The following NLGN4X variants were observed in gnomAD, a reference collection of about 807,000 sequenced individuals.
NLGN4X encodes the protein neuroligin 4 X-linked, also known as neuroligin-4, X-linked.
Under a neutral mutation model 40.3 loss-of-function variants are expected in NLGN4X, and 3 were observed. That is an observed-to-expected ratio of 0.07 (90% CI 0.03 to 0.19). The LOEUF is 0.19. Among genes scored for constraint, NLGN4X ranks in the 10% least tolerant of loss-of-function variants. The pLI, the probability that NLGN4X is intolerant of heterozygous loss-of-function variation, is 1.00. For synonymous variants in NLGN4X, 270 were observed against 306.8 expected (o/e 0.88, Z 1.25); for missense variants, 382 against 708.3 (o/e 0.54, Z 5.23).
chrX:6,015,025 A>G (rs2036357619), intron 3 of NLGN4X, among the ~76,000 whole-genome samples: 1 of 111,848 alleles, frequency 8.9e-6, no homozygotes, highest in African/African-American at 3.3e-5. Context: ...GAAACTTTCC[A>G]TAACCACCTT....
intron 1 of NLGN4X, among the ~76,000 whole-genome samples, chrX:6,174,197 T>C (rs1284919910): frequency 9.0e-6 from 1 of 111,069 alleles, no homozygotes; most frequent in African/African-American, 3.3e-5. Flanking sequence ...TAGGGAAATG[T>C]AAATCAAAAC....
At chrX:6,030,455 ACT>A (rs2036827059) in intron 2 of NLGN4X, among the ~76,000 whole-genome samples, 2 of 104,290 alleles carry the variant, frequency 1.9e-5, no homozygotes, top group African/African-American at 3.6e-5. Flanking sequence ...CTAAAAGAAA[ACT>A]CAAGTATTTA....
intron 3 of NLGN4X, among the ~76,000 whole-genome samples, chrX:5,921,436 G>GAGAGAGAGAGAGGAGAGAC (rs1569131798): frequency 1.9e-3 from 73 of 37,912 alleles, no homozygotes; most frequent in Non-Finnish European, 3.7e-3. Context: ...AGAGAGAGAG[G>GAGAGAGAGAGAGGAGAGAC]AGAGACAGAG....
At chrX:6,065,063 G>A (rs1423331049) in intron 2 of NLGN4X, among the ~76,000 whole-genome samples, 1 of 110,861 alleles carries the variant, frequency 9.0e-6, no homozygotes, top group Non-Finnish European at 1.9e-5. Context: ...TCTAAACATT[G>A]AGGACGCACG....
intron 3 of NLGN4X, among the ~76,000 whole-genome samples, chrX:5,956,267 A>G (rs1340657987): frequency 9.2e-6 from 1 of 109,241 alleles, no homozygotes; most frequent in Non-Finnish European, 1.9e-5. Context: ...AAATGCATGT[A>G]TATTTATATT....
At chrX:6,040,908 T>A (rs1007971831) in intron 2 of NLGN4X, among the ~76,000 whole-genome samples, 2 of 111,590 alleles carry the variant, frequency 1.8e-5, no homozygotes, top group Non-Finnish European at 3.8e-5. Flanking sequence ...TAATTGACAA[T>A]ATCTAATGGC....
chrX:6,043,936 T>C (rs2037244287), intron 2 of NLGN4X, among the ~76,000 whole-genome samples: 1 of 110,537 alleles, frequency 9.0e-6, no homozygotes, highest in Admixed American at 9.7e-5. Flanking sequence ...ACTTAGCCAA[T>C]TCACCATAAT....
chrX:6,127,370 T>C (rs1304272611), intron 2 of NLGN4X, among the ~76,000 whole-genome samples: 2 of 112,615 alleles, frequency 1.8e-5, no homozygotes, highest in Non-Finnish European at 3.8e-5. Context: ...TCCCAGTACT[T>C]TGGGAGGCCG....
At chrX:5,897,872 GTCCC>G (rs1393967124) in intron 5 of NLGN4X, among the ~76,000 whole-genome samples, 1 of 109,269 alleles carries the variant, frequency 9.2e-6, no homozygotes, top group East Asian at 3.0e-4. Flanking sequence ...AGATCCAATT[GTCCC>G]TCCCTCCCTC....
At chrX:5,979,427 T>G (rs975186355) in intron 3 of NLGN4X, among the ~76,000 whole-genome samples, 1 of 110,596 alleles carries the variant, frequency 9.0e-6, no homozygotes, top group Non-Finnish European at 1.9e-5. Context: ...GCCAAACTCT[T>G]CTCAAAAGTC....
chrX:6,150,624 T>C (rs893318518), intron 2 of NLGN4X, among the ~76,000 whole-genome samples: 4 of 112,233 alleles, frequency 3.6e-5, no homozygotes, highest in African/African-American at 9.7e-5. Context: ...TGGAGCATAA[T>C]AGTGTACTTA....
intron 2 of NLGN4X, among the ~76,000 whole-genome samples, chrX:6,053,424 A>C (rs183855969): frequency 9.0e-6 from 1 of 111,155 alleles, no homozygotes; most frequent in East Asian, 2.9e-4. Context: ...ATGCTGGCTC[A>C]GGGCATCACA....
At chrX:5,904,148 C>T (rs1178439650) in intron 4 of NLGN4X, among the ~76,000 whole-genome samples, 1 of 111,357 alleles carries the variant, frequency 9.0e-6, no homozygotes, top group Middle Eastern at 4.2e-3. Context: ...TGGTAAAATA[C>T]ATGTGATTTC....
chrX:5,912,903 G>A (rs1444372019), intron 3 of NLGN4X, among the ~76,000 whole-genome samples: 1 of 40,930 alleles, frequency 2.4e-5, no homozygotes, highest in Non-Finnish European at 4.5e-5. Flanking sequence ...AAGGCAGGAG[G>A]GAGGGAGGGA....
chrX:6,154,977 T>C (rs1260549871), intron 1 of NLGN4X, among the ~76,000 whole-genome samples: 1 of 111,481 alleles, frequency 9.0e-6, no homozygotes, highest in Non-Finnish European at 1.9e-5. Flanking sequence ...TAAATTGAGA[T>C]TGGTTTAATT....
intron 3 of NLGN4X, among the ~76,000 whole-genome samples, chrX:5,951,571 C>T (rs1369252031): frequency 2.7e-5 from 3 of 109,894 alleles, no homozygotes; most frequent in African/African-American, 9.9e-5. Flanking sequence ...GCAGACCCCA[C>T]GGCTTGTAAA....
At chrX:5,987,327 G>T in intron 3 of NLGN4X, among the ~76,000 whole-genome samples, 1 of 112,623 alleles carries the variant, frequency 8.9e-6, no homozygotes, top group Middle Eastern at 4.6e-3. Context: ...GAAAAGCATG[G>T]AAATGAGTAG....
At chrX:5,899,242 T>C (rs750884365) in intron 5 of NLGN4X, among the ~76,000 whole-genome samples, 11 of 112,166 alleles carry the variant, frequency 9.8e-5, no homozygotes, top group Non-Finnish European at 2.1e-4. Flanking sequence ...ATGTTTCCCA[T>C]GGGCGGAAGA....
intron 1 of NLGN4X, among the ~76,000 whole-genome samples, chrX:6,157,265 T>C (rs1462912698): frequency 2.7e-5 from 3 of 112,017 alleles, no homozygotes; most frequent in East Asian, 2.8e-4. Flanking sequence ...TGAGCCATAA[T>C]TGTAGAAACC....
Sources: allele counts gnomAD v4.1 joint callset (sites outside exome capture counted in the v4.1 genomes callset), GRCh38; gene constraint gnomAD v4.1.1; transcripts MANE v1.5; gene names NCBI Gene and HGNC (gene_info 2026-07-23, HGNC 2026-07-21).